BMP2K: variants seen among roughly 807,000 people sequenced by gnomAD.
The protein encoded by BMP2K is BMP-2-inducible protein kinase.
BMP2K carries 74 observed loss-of-function variants against 116.0 expected under a neutral mutation model. The ratio of observed to expected loss-of-function variants is 0.64; its 90% CI spans 0.53 to 0.77. The LOEUF is 0.77. Among genes scored for constraint, BMP2K ranks in the 30% least tolerant of loss-of-function variants. BMP2K has a pLI of 0.00. For synonymous variants in BMP2K, 486 were observed against 502.5 expected, an observed-to-expected ratio of 0.97 and a Z score of 0.44; for missense variants, 1,365 against 1,403.6, an observed-to-expected ratio of 0.97 and a Z score of 0.44.
chr4:78,874,515 T>G (rs1014199019), intron 13 of BMP2K, among the ~76,000 whole-genome samples: 2 of 152,212 alleles, frequency 1.3e-5, no homozygotes, highest in Non-Finnish European at 2.9e-5. Context: ...AATTAGATGA[T>G]TGCTTTTTTC....
intron 1 of BMP2K, among the ~76,000 whole-genome samples, chr4:78,803,702 A>G (rs1371842934): frequency 1.3e-5 from 2 of 152,180 alleles, no homozygotes; most frequent in Admixed American, 1.3e-4. Context: ...TAGGAATGCC[A>G]TTACTAGAGA....
intron 15 of BMP2K, among the ~76,000 whole-genome samples, chr4:78,907,543 CA>C (rs1468087192): frequency 6.6e-6 from 1 of 152,112 alleles, no homozygotes; most frequent in East Asian, 1.9e-4. Context: ...AGCATTTCCC[CA>C]AAGTACTTTT....
intron 1 of BMP2K, among the ~76,000 whole-genome samples, chr4:78,779,898 TAGTG>T (rs1412557747): frequency 1.3e-5 from 2 of 152,164 alleles, no homozygotes; most frequent in Admixed American, 1.3e-4. Context: ...ACTGATAACA[TAGTG>T]AGGCAGTTCA....
chr4:78,782,426 T>G (rs1366782113), intron 1 of BMP2K, among the ~76,000 whole-genome samples: 1 of 152,246 alleles, frequency 6.6e-6, no homozygotes, highest in Admixed American at 6.5e-5. Flanking sequence ...ATTCAGCTAC[T>G]TCTCAAAGGA....
rs556595982 is a variant in BMP2K at position 78,911,175 on chromosome 4, T to A, written c.2628T>A (p.Asn876Lys). 6.2e-7 allele frequency: 1 copy of A among 1,613,688 alleles called. No individual in the cohort carries two copies. The highest frequency in any genetic ancestry group is 1.7e-5 in the Admixed American group (1 of 59,988). Residue 876 changes from asparagine to lysine, a missense_variant, in exon 16 of 16, where the codon AAT becomes AAA. Physicochemically the swap from Asn to Lys is moderately conservative, Grantham distance 94 (BLOSUM62 0). Transcript: ENST00000502613. ...CTCAACAGCCCCAGCAAGAAAAGAA[T>A]GAAAAGAACCTCCCTCAACACAGGT... is the stretch of plus-strand genomic sequence containing the variant. ...VRAQQPQQEK[N>K]EKNLPQHRFP...
chr4:78,878,689 A>G, intron 13 of BMP2K, 45 bp from the exon 14 acceptor site: 1 of 1,458,952 alleles, frequency 6.9e-7, no homozygotes, highest in Non-Finnish European at 9.3e-7. Flanking sequence ...ATTTATTTTA[A>G]TTTTTCTTTC....
intron 4 of BMP2K, 53 bp from the exon 5 acceptor site, chr4:78,844,875 A>T: frequency 6.7e-7 from 1 of 1,483,166 alleles, no homozygotes; most frequent in South Asian, 1.2e-5. Flanking sequence ...AGATTGTAAA[A>T]AGTTAATTTT....
At chr4:78,869,455 A>T (rs1013776019) in intron 10 of BMP2K, among the ~76,000 whole-genome samples, 1 of 152,188 alleles carries the variant, frequency 6.6e-6, no homozygotes. Flanking sequence ...AGCATTCTAT[A>T]CCACTGTAGA....
At chr4:78,826,641 A>G (rs2110000074) in intron 2 of BMP2K, among the ~76,000 whole-genome samples, 1 of 152,282 alleles carries the variant, frequency 6.6e-6, no homozygotes, top group African/African-American at 2.4e-5. Context: ...ATTTGGTTCT[A>G]GGACCCACTA....
At chr4:78,895,674 T>A (rs1201139268) in intron 15 of BMP2K, among the ~76,000 whole-genome samples, 1 of 152,146 alleles carries the variant, frequency 6.6e-6, no homozygotes, top group East Asian at 1.9e-4. Context: ...TCATATCTAT[T>A]GTTAAAGAAA....
chr4:78,844,250 C>T lies in BMP2K; in HGVS notation c.547-678C>T, dbSNP rs1730894269. On this transcript the variant is annotated intron_variant, in intron 4 of 15. Coordinates refer to ENST00000502613, the MANE Select transcript of BMP2K (RefSeq NM_198892.2). ...CATTTTACGTAAGGAAACTAATGCA[C>T]ATGAATGGTTAAGCAGATTGTCCAA... Among the ~76,000 whole-genome samples the T allele has an allele frequency of 2.6e-5, 4 of 151,692 alleles. No homozygotes were observed. The South Asian group carries it at 8.3e-4, about 31-fold the overall frequency.
In BMP2K at chr4:78,872,759, A is replaced by G. The variant is rs1560539544; in HGVS notation, c.1754A>G (p.Gln585Arg). 3 of 1,614,150 alleles carry G rather than the reference A, an allele frequency of 1.9e-6. No individual in the cohort carries two copies. The highest frequency in any genetic ancestry group is 2.5e-6 in the Non-Finnish European group (3 of 1,179,978). Reference sequence around the variant, plus strand: ...TCCTACACTTCATCACTTCCAGCTCAGGTTGGAACCATAATGGACTCCTCC... The same window carrying G: ...TCCTACACTTCATCACTTCCAGCTCGGGTTGGAACCATAATGGACTCCTCC... ...LVSYTSSLPAQVGTIMDSSYS... is the reference protein window; with the variant it reads ...LVSYTSSLPARVGTIMDSSYS... The change falls in exon 13 of 16, where the codon CAG (glutamine) becomes CGG (arginine). Residue 585 changes from glutamine to arginine, a missense_variant. Physicochemically the swap from Gln to Arg is conservative, Grantham distance 43. Coordinates refer to ENST00000502613, the MANE Select transcript of BMP2K (RefSeq NM_198892.2).
intron 7 of BMP2K, among the ~76,000 whole-genome samples, chr4:78,857,583 G>A (rs1731562300): frequency 6.6e-6 from 1 of 152,012 alleles, no homozygotes; most frequent in African/African-American, 2.4e-5. Flanking sequence ...AGTTTTTCTT[G>A]GATTAAACCA....
chr4:78,820,244 C>T (rs953066782), intron 1 of BMP2K, among the ~76,000 whole-genome samples: 1 of 152,206 alleles, frequency 6.6e-6, no homozygotes, highest in African/African-American at 2.4e-5. Flanking sequence ...CTTACACATT[C>T]ATCTATTGCT....
intron 1 of BMP2K, among the ~76,000 whole-genome samples, chr4:78,812,045 C>T (rs946618565): frequency 1.3e-5 from 2 of 152,094 alleles, no homozygotes; most frequent in Non-Finnish European, 2.9e-5. Flanking sequence ...ATGAACTCGG[C>T]TTACTGCAAC....
At chr4:78,835,583 C>G (rs990881590) in intron 3 of BMP2K, among the ~76,000 whole-genome samples, 3 of 147,150 alleles carry the variant, frequency 2.0e-5, no homozygotes, top group African/African-American at 7.6e-5. Context: ...GAGCCGAGAT[C>G]GCGCCACTGC....
intron 15 of BMP2K, among the ~76,000 whole-genome samples, chr4:78,904,420 C>T (rs1385180824): frequency 2.0e-5 from 3 of 152,028 alleles, no homozygotes; most frequent in African/African-American, 2.4e-5. Flanking sequence ...CCTCTTGACA[C>T]TTATTTCAGT....
intron 3 of BMP2K, among the ~76,000 whole-genome samples, chr4:78,841,460 A>G (rs964577730): frequency 6.6e-6 from 1 of 152,186 alleles, no homozygotes; most frequent in Non-Finnish European, 1.5e-5. Context: ...GCTTAATGGT[A>G]TATGTGTGGC....
intron 1 of BMP2K, among the ~76,000 whole-genome samples, chr4:78,801,746 C>G (rs1030925756): frequency 2.0e-5 from 3 of 152,124 alleles, no homozygotes; most frequent in Non-Finnish European, 4.4e-5. Context: ...AACTCTGTGC[C>G]TCACCTGTGT....
Sources: gnomAD v4.1 joint callset for allele counts (sites outside exome capture counted in the v4.1 genomes callset) on GRCh38, gnomAD v4.1.1 for gene constraint, MANE v1.5 for transcripts, NCBI Gene and HGNC (gene_info 2026-07-23, HGNC 2026-07-21) for gene names.